The following LRP1B variants were observed in gnomAD, a reference collection of about 807,000 sequenced individuals.
LRP1B encodes the protein LDL receptor related protein 1B.
Under a neutral mutation model 556.6 loss-of-function variants are expected in LRP1B, and 217 were observed. The ratio of observed to expected loss-of-function variants is 0.39; its 90% CI spans 0.35 to 0.44. The LOEUF (loss-of-function observed/expected upper bound fraction) is 0.44, where lower values mean the gene tolerates loss of function less well. Ranked by LOEUF, LRP1B falls within the 20% of genes least tolerant of loss-of-function variation. The pLI, the probability that LRP1B is intolerant of heterozygous loss-of-function variation, is 1.00. For synonymous variants in LRP1B, 2,047 were observed against 1,865.8 expected (o/e 1.10, Z -2.50); for missense variants, 5,053 against 5,620.8 (o/e 0.90, Z 3.23).
chr2:141,013,443 T>G, intron 14 of LRP1B, 113 bp downstream of exon 14: 1 of 832,302 alleles, frequency 1.2e-6, no homozygotes, highest in Non-Finnish European at 1.8e-6. Context: ...GGAGGGAATT[T>G]GACATCTTTT....
intron 2 of LRP1B, among the ~76,000 whole-genome samples, chr2:141,788,550 A>G (rs1330009237): frequency 6.6e-6 from 1 of 151,932 alleles, no homozygotes; most frequent in African/African-American, 2.4e-5. Context: ...TTTTTATTAT[A>G]CTTTAAGTTT....
intron 1 of LRP1B, among the ~76,000 whole-genome samples, chr2:141,822,433 A>C (rs968592176): frequency 3.3e-5 from 5 of 152,168 alleles, no homozygotes; most frequent in African/African-American, 1.2e-4. Flanking sequence ...TCGTAAATGC[A>C]AAAGAAAAAG....
At position 140,847,377 on chromosome 2, in the gene LRP1B, A is replaced by G. The variant is rs1383611815; in HGVS notation, c.4939+2725T>C. ...TAAAGGTTGACATAATTTGGCGTCT[A>G]TTTCATTAGATCTTTCAGCTTGTAC... On this transcript the variant is annotated intron_variant, in intron 29 of 90. Transcript: ENST00000389484. Among the ~76,000 whole-genome samples, 3 of 152,298 alleles carry G rather than the reference A, an allele frequency of 2.0e-5. No homozygotes were observed. In the East Asian group the frequency reaches 5.8e-4, roughly 29 times the overall value.
chr2:140,323,660 GTTTTAATTTCAAGAAAA>G (rs1158464744), intron 81 of LRP1B, among the ~76,000 whole-genome samples: 1 of 151,936 alleles, frequency 6.6e-6, no homozygotes, highest in African/African-American at 2.4e-5. Flanking sequence ...AAGAAAGACA[GTTTTAATTTCAAGAAAA>G]CATGGCCAAA....
chr2:140,837,050 G>A (rs1691930041), intron 31 of LRP1B, among the ~76,000 whole-genome samples: 1 of 152,108 alleles, frequency 6.6e-6, no homozygotes, highest in Non-Finnish European at 1.5e-5. Context: ...AACTCACTTA[G>A]AGTCTTAATA....
chr2:141,371,854 T>C, intron 3 of LRP1B, among the ~76,000 whole-genome samples: 1 of 150,428 alleles, frequency 6.6e-6, no homozygotes, highest in Admixed American at 6.6e-5. Context: ...TTTGATATTT[T>C]TATTTTTTTT....
intron 1 of LRP1B, among the ~76,000 whole-genome samples, chr2:142,069,408 C>T (rs545516571): frequency 2.6e-5 from 4 of 151,632 alleles, no homozygotes; most frequent in African/African-American, 7.2e-5. Context: ...GACAGTTCCT[C>T]TGCCTTATAC....
At chr2:141,289,274 G>A (rs1454607160) in intron 3 of LRP1B, among the ~76,000 whole-genome samples, 2 of 150,734 alleles carry the variant, frequency 1.3e-5, no homozygotes, top group African/African-American at 2.4e-5. Context: ...CCCAGCTACT[G>A]GGGAGGCTGA....
At chr2:141,714,904 T>C (rs965211522) in intron 2 of LRP1B, among the ~76,000 whole-genome samples, 5 of 152,150 alleles carry the variant, frequency 3.3e-5, no homozygotes, top group Non-Finnish European at 5.9e-5. Context: ...TTGTTTTATT[T>C]AGAGAAACAG....
intron 3 of LRP1B, among the ~76,000 whole-genome samples, chr2:141,469,631 C>T (rs1194481281): frequency 6.6e-6 from 1 of 152,098 alleles, no homozygotes; most frequent in Non-Finnish European, 1.5e-5. Context: ...GTATTTTTTA[C>T]AATTATGAAA....
At chr2:140,730,722 C>T (rs1687748945) in intron 35 of LRP1B, among the ~76,000 whole-genome samples, 1 of 152,002 alleles carries the variant, frequency 6.6e-6, no homozygotes, top group South Asian at 2.1e-4. Flanking sequence ...ACATGCCCAG[C>T]TAATTTTTGT....
chr2:141,228,598 TG>T (rs1683344825), intron 6 of LRP1B, among the ~76,000 whole-genome samples: 1 of 151,456 alleles, frequency 6.6e-6, no homozygotes, highest in Non-Finnish European at 1.5e-5. Context: ...TGTGTGTGTG[TG>T]TGTGTGTGTG....
In LRP1B at chr2:140,379,784, A is replaced by T. The variant is rs566785460; in HGVS notation, c.10532-1498T>A. Among the ~76,000 whole-genome samples, 7 of 152,222 alleles carry T rather than the reference A, an allele frequency of 4.6e-5. No individual in the cohort carries two copies. The East Asian group carries it at 1.4e-3, about 30-fold the overall frequency. On this transcript the variant is annotated intron_variant, in intron 67 of 90. Coordinates refer to ENST00000389484, the MANE Select transcript of LRP1B (RefSeq NM_018557.3). ...TGTGTGTCAGCAAGCATTTCGTTCTACTCTGCTACTTAGTTTAGTTTAAAA... is the reference window on the plus strand; with the variant it reads ...TGTGTGTCAGCAAGCATTTCGTTCTTCTCTGCTACTTAGTTTAGTTTAAAA...
Position 140,839,988 on chromosome 2 carries a change from TA to T in LRP1B, c.5209+2del, listed in dbSNP as rs1283647122. On this transcript the variant is annotated splice_donor_variant, in intron 31 of 90. Transcript: ENST00000389484. LOFTEE classifies it high-confidence loss of function. ...CTTGGTGACTATTAAAAAAAATACTTACCAACTGGCTCCTTCTGATTCTGAA... is the reference window on the plus strand; with the variant it reads ...CTTGGTGACTATTAAAAAAAATACTTCCAACTGGCTCCTTCTGATTCTGAA... 6.3e-7 allele frequency: 1 copy of T among 1,596,378 alleles called. No homozygotes were observed. Among genetic ancestry groups the T allele is most frequent in the African/African-American group, 1.3e-5 (1 of 74,334 alleles).
intron 3 of LRP1B, among the ~76,000 whole-genome samples, chr2:141,348,853 A>G (rs1211868931): frequency 2.0e-5 from 3 of 152,022 alleles, no homozygotes; most frequent in African/African-American, 7.3e-5. Context: ...GGTCTTTCCC[A>G]TGCTCTTCTC....
chr2:140,608,951 A>G (rs1320037672), intron 41 of LRP1B, among the ~76,000 whole-genome samples: 1 of 152,174 alleles, frequency 6.6e-6, no homozygotes. Context: ...AGACTCAGAC[A>G]TGTCTCAAGA....
At chr2:141,526,971 A>T (rs774729459) in intron 2 of LRP1B, among the ~76,000 whole-genome samples, 1 of 152,088 alleles carries the variant, frequency 6.6e-6, no homozygotes, top group Non-Finnish European at 1.5e-5. Flanking sequence ...AGCATTTCAG[A>T]TTCTGCAGTA....
intron 20 of LRP1B, among the ~76,000 whole-genome samples, chr2:140,928,973 T>C (rs182461743): frequency 7.7e-4 from 117 of 152,264 alleles, no homozygotes; most frequent in Middle Eastern, 3.4e-3. Context: ...TTATCAAAAA[T>C]TGTGCTAAGA....
At chr2:141,588,982 A>G (rs900447452) in intron 2 of LRP1B, among the ~76,000 whole-genome samples, 1 of 152,184 alleles carries the variant, frequency 6.6e-6, no homozygotes. Flanking sequence ...ATTTAGCCAC[A>G]AGTAGACATG....
Sources: gnomAD v4.1 joint callset for allele counts (sites outside exome capture counted in the v4.1 genomes callset) on GRCh38, gnomAD v4.1.1 for gene constraint, MANE v1.5 for transcripts, NCBI Gene and HGNC (gene_info 2026-07-23, HGNC 2026-07-21) for gene names.